PCDHGA1: variants seen among roughly 807,000 people sequenced by gnomAD.
PCDHGA1 encodes the protein protocadherin gamma-A1.
In PCDHGA1, 32 loss-of-function variants were observed where a neutral mutation model predicts 58.0. The ratio of observed to expected loss-of-function variants is 0.55; its 90% CI spans 0.42 to 0.74. The LOEUF (loss-of-function observed/expected upper bound fraction) is 0.74. Ranked by LOEUF, PCDHGA1 falls within the 30% of genes least tolerant of loss-of-function variation. The pLI is 0.00. For missense variants in PCDHGA1, 1,205 were observed against 1,182.3 expected (o/e 1.02, Z -0.28); for synonymous variants, 498 against 501.1 (o/e 0.99, Z 0.08).
At chr5:141,338,395 G>A (rs3822359) in intron 1 of PCDHGA1, among the ~76,000 whole-genome samples, 2,725 of 152,278 alleles carry the variant, frequency 0.018, 147 homozygotes, top group Admixed American at 0.11. Flanking sequence ...AGAAGAAAAC[G>A]TAGCTAACGT....
chr5:141,510,834 G>T, intron 3 of PCDHGA1, 113 bp from the exon 4 acceptor site: 1 of 1,581,880 alleles, frequency 6.3e-7, no homozygotes. Flanking sequence ...AGTGCTCAGC[G>T]TGGTCAAGGC....
chr5:141,415,863 G>A, intron 1 of PCDHGA1: 4 of 1,107,154 alleles, frequency 3.6e-6, no homozygotes, highest in Non-Finnish European at 4.7e-6. Flanking sequence ...GTAGTTTATA[G>A]TGTTGTTGAG....
intron 1 of PCDHGA1, chr5:141,405,074 G>T (rs536930748): frequency 2.5e-6 from 4 of 1,613,794 alleles, no homozygotes; most frequent in Non-Finnish European, 3.4e-6. Context: ...CCTCACCTTC[G>T]TTATCACGCT....
At chr5:141,386,155 C>T (rs763846568) in intron 1 of PCDHGA1, among the ~76,000 whole-genome samples, 3 of 152,278 alleles carry the variant, frequency 2.0e-5, no homozygotes, top group South Asian at 2.1e-4. Flanking sequence ...AACTGTCTCA[C>T]GTACTCAAAC....
intron 1 of PCDHGA1, chr5:141,346,456 A>C (rs1338617478): frequency 6.2e-7 from 1 of 1,614,202 alleles, no homozygotes; most frequent in South Asian, 1.1e-5. Flanking sequence ...AACCTACTTC[A>C]GGTGAGTTTA....
At position 141,423,488 on chromosome 5, in the gene PCDHGA1, A is replaced by G. The variant is rs141810253; in HGVS notation, c.2422-71319A>G. The G allele has an allele frequency of 9.2e-4, 1,481 of 1,613,946 alleles. 7 individuals carry two copies. The highest frequency in any genetic ancestry group is 3.0e-3 in the Middle Eastern group (18 of 6,062). On this transcript the variant is annotated intron_variant, in intron 1 of 3. Transcript: ENST00000517417. The stretch of plus-strand genomic sequence containing the variant: ...GGGGTACAGGCTTTCCTGCAAACCT[A>G]TTCCCACGAGGTCTCTCTCATTGCG...
At chr5:141,471,021 A>C (rs1399168691) in intron 1 of PCDHGA1, among the ~76,000 whole-genome samples, 1 of 136,940 alleles carries the variant, frequency 7.3e-6, no homozygotes, top group African/African-American at 2.7e-5. Flanking sequence ...CTGGTCAATC[A>C]TTTTTATTAA....
In PCDHGA1 at chr5:141,448,679, G is replaced by A. The variant is rs113043083; in HGVS notation, c.2422-46128G>A. On this transcript the variant is annotated intron_variant, in intron 1 of 3. Coordinates refer to ENST00000517417, the MANE Select transcript of PCDHGA1 (RefSeq NM_018912.3). Reference sequence around the variant, plus strand: ...ATATTGGCCGGGCGCGGTGGCTCACGCCTGTAATCGCAGCACTTTGGGAGG... The same window carrying A: ...ATATTGGCCGGGCGCGGTGGCTCACACCTGTAATCGCAGCACTTTGGGAGG... Among the ~76,000 whole-genome samples the A allele has an allele frequency of 8.3e-3, 1,260 of 152,126 alleles. 17 individuals are homozygous for A. Among genetic ancestry groups the A allele is most frequent in the African/African-American group, 0.029 (1,195 of 41,496 alleles).
At chr5:141,474,965 A>G (rs1268347441) in intron 1 of PCDHGA1, among the ~76,000 whole-genome samples, 1 of 152,236 alleles carries the variant, frequency 6.6e-6, no homozygotes, top group Non-Finnish European at 1.5e-5. Context: ...TATCCTAATC[A>G]TTATAATTTT....
rs557605777 is a variant in PCDHGA1, at chr5:141,332,592, C to G, written c.1908C>G (p.Asp636Glu). The stretch of plus-strand genomic sequence containing the variant: ...CGGCGCGAGCCCTGCTGGACAGAGA[C>G]GCGCTCAAGCAGAGTCTCGTGGTGG... Reference protein sequence around the residue: ...VRTARALLDRDALKQSLVVAV... With the variant: ...VRTARALLDREALKQSLVVAV... Residue 636 changes from aspartate (D) to glutamate (E), a missense_variant, in exon 1 of 4, where the codon GAC becomes GAG. Physicochemically the swap from Asp to Glu is conservative, Grantham distance 45. Transcript: ENST00000517417. The surrounding 1 kb of genome is among the most constrained non-coding windows in gnomAD (Gnocchi z 4.6). 7.3e-5 allele frequency: 117 copies of G among 1,612,832 alleles called. No homozygotes were observed. In the East Asian group the frequency reaches 2.5e-3, roughly 35 times the overall value.
rs138070043 is a variant in PCDHGA1, at chr5:141,512,950, AAAT to A, written c.*1783_*1785del. 5,271 of 152,332 alleles carry A rather than the reference AAAT, an allele frequency of 0.035. 119 individuals carry two copies. The highest frequency in any genetic ancestry group is 0.075 in the South Asian group (360 of 4,826). The allele number at this position is 152,332 out of a possible 1,614,324, so 9.4% of individuals were successfully genotyped here. On this transcript the variant is annotated 3_prime_UTR_variant, in exon 4 of 4. Coordinates refer to ENST00000517417, the MANE Select transcript of PCDHGA1 (RefSeq NM_018912.3). ...ATATGGCTTTTTTTCTTCGACAAAA[AAAT>A]AATAAAACGTTTCTTCTGAAAAGCT...
At chr5:141,360,456 T>A (rs1588550793) in intron 1 of PCDHGA1, 1 of 1,613,990 alleles carries the variant, frequency 6.2e-7, no homozygotes, top group Non-Finnish European at 8.5e-7. Flanking sequence ...TGGATTTCGA[T>A]ACTGTCGCTG....
rs200348921 is a variant in PCDHGA1 at position 141,374,104 on chromosome 5, T to G, written c.2421+40999T>G. 296 of 1,570,490 alleles carry G rather than the reference T, an allele frequency of 1.9e-4. No individual in the cohort carries two copies. Among genetic ancestry groups the G allele is most frequent in the Non-Finnish European group, 2.4e-4 (283 of 1,156,394 alleles). On this transcript the variant is annotated intron_variant, in intron 1 of 3. Transcript: ENST00000517417. ...CAGTAATGGCGCCTCCGCAGAGGCA[T>G]CCGCAGCGCAGCGAGCAGGTCCTGC...
At chr5:141,370,704 C>T (rs1767132773) in intron 1 of PCDHGA1, 1 of 1,613,760 alleles carries the variant, frequency 6.2e-7, no homozygotes, top group African/African-American at 1.3e-5. Context: ...GACGTGTGTT[C>T]TGGAATTTGA....
chr5:141,421,831 G>C lies in PCDHGA1; in HGVS notation c.2422-72976G>C, dbSNP rs201283981. ...AGAGCTAGTACTGGAGGGAAGCCTG[G>C]ACCGAGAGAAAGAGGCTGCTCACCT... On this transcript the variant is annotated intron_variant, in intron 1 of 3. Transcript: ENST00000517417. 68 of 1,613,784 alleles carry C rather than the reference G, an allele frequency of 4.2e-5. 1 individual carries two copies. The East Asian group carries it at 1.4e-3, about 33-fold the overall frequency.
chr5:141,345,330 T>A (rs1357399897), intron 1 of PCDHGA1: 19 of 1,613,860 alleles, frequency 1.2e-5, no homozygotes, highest in Non-Finnish European at 1.4e-5. Context: ...CCCGCCACTG[T>A]CCACAGAAAC....
At chr5:141,364,327 G>A (rs1433768344) in intron 1 of PCDHGA1, 9 of 1,529,608 alleles carry the variant, frequency 5.9e-6, no homozygotes, top group South Asian at 1.3e-5. Context: ...GCAGAGAGAA[G>A]GCAATGGCGA....
rs570083634 is a variant in PCDHGA1, at chr5:141,427,859, C to G, written c.2422-66948C>G. 25 of 1,556,390 alleles carry G rather than the reference C, an allele frequency of 1.6e-5. No homozygotes were observed. The Admixed American group carries it at 2.0e-4, about 13-fold the overall frequency. ...CCTTCGACCACGAGCAGCTGTGCGC[C>G]TTCGAGCTCACGATGCAGGCCCACG... On this transcript the variant is annotated intron_variant, in intron 1 of 3. Coordinates refer to ENST00000517417, the MANE Select transcript of PCDHGA1 (RefSeq NM_018912.3).
rs1554136305 is a variant in PCDHGA1, at chr5:141,450,006, CT to C, written c.2422-44783del. Reference sequence around the variant, plus strand: ...CACATTGCATTTAGTTGCCATGTCTCTTTTTTTTTTTTTTTTTTGAGACAGG... The same window carrying C: ...CACATTGCATTTAGTTGCCATGTCTCTTTTTTTTTTTTTTTTTGAGACAGG... On this transcript the variant is annotated intron_variant, in intron 1 of 3. Coordinates refer to ENST00000517417, the MANE Select transcript of PCDHGA1 (RefSeq NM_018912.3). Among the ~76,000 whole-genome samples, 140 of 132,944 alleles carry C rather than the reference CT, an allele frequency of 1.1e-3. 2 individuals are homozygous for C. In the Middle Eastern group the frequency reaches 0.016, roughly 15 times the overall value. 87.2% of individuals were successfully genotyped at this position (132,944 alleles called of 152,430 possible). A position where few individuals can be genotyped will look rare whatever the true frequency, so the allele number is the denominator to read the frequency against.
Sources: allele counts gnomAD v4.1 joint callset (sites outside exome capture counted in the v4.1 genomes callset), GRCh38; gene constraint gnomAD v4.1.1; non-coding constraint Gnocchi (gnomAD v3.1); transcripts MANE v1.5; gene names NCBI Gene and HGNC (gene_info 2026-07-23, HGNC 2026-07-21).